Variants in OXR1 observed in about 807,000 individuals in gnomAD.
OXR1 encodes the protein oxidation resistance protein 1.
In OXR1, 41 loss-of-function variants were observed where a neutral mutation model predicts 104.6. The observed-to-expected ratio is 0.39, with a 90% confidence interval of 0.31 to 0.51. The LOEUF is 0.51. Ranked by LOEUF, OXR1 falls within the 20% of genes least tolerant of loss-of-function variation. OXR1 has a pLI of 0.77. For missense variants in OXR1, 955 were observed against 1,031.9 expected (o/e 0.93, Z 1.02); for synonymous variants, 348 against 348.4 (o/e 1.00, Z 0.01).
At chr8:106,530,793 A>T (rs1007893682) in intron 3 of OXR1, among the ~76,000 whole-genome samples, 1 of 152,180 alleles carries the variant, frequency 6.6e-6, no homozygotes, top group Non-Finnish European at 1.5e-5. Flanking sequence ...TGATCATCTG[A>T]ACAAACTGAG....
At chr8:106,290,637 A>T (rs1390320893) in intron 1 of OXR1, among the ~76,000 whole-genome samples, 1 of 152,192 alleles carries the variant, frequency 6.6e-6, no homozygotes, top group Non-Finnish European at 1.5e-5. Flanking sequence ...GGCAAGGGAC[A>T]TTCACAGACA....
chr8:106,405,049 A>C (rs1023737893), intron 2 of OXR1, among the ~76,000 whole-genome samples: 5 of 151,712 alleles, frequency 3.3e-5, no homozygotes, highest in African/African-American at 1.2e-4. Context: ...TTGCCAGATC[A>C]AACATGTAGT....
At chr8:106,552,044 G>C (rs1815879541) in intron 3 of OXR1, among the ~76,000 whole-genome samples, 1 of 151,790 alleles carries the variant, frequency 6.6e-6, no homozygotes, top group South Asian at 2.1e-4. Flanking sequence ...CTGGGTGACA[G>C]AGCGAGACCT....
intron 7 of OXR1, among the ~76,000 whole-genome samples, chr8:106,694,726 A>T (rs1190759880): frequency 9.1e-6 from 1 of 109,534 alleles, no homozygotes; most frequent in Non-Finnish European, 1.7e-5. Context: ...ATATATTTTT[A>T]TATATTTATA....
intron 1 of OXR1, among the ~76,000 whole-genome samples, chr8:106,344,618 T>C (rs1436454141): frequency 6.6e-6 from 1 of 152,208 alleles, no homozygotes; most frequent in Non-Finnish European, 1.5e-5. Flanking sequence ...ATTACAGGCA[T>C]GAGCCACTGC....
At chr8:106,285,920 G>C (rs1175850441) in intron 1 of OXR1, among the ~76,000 whole-genome samples, 1 of 152,068 alleles carries the variant, frequency 6.6e-6, no homozygotes, top group Non-Finnish European at 1.5e-5. Flanking sequence ...CTGGGAATGT[G>C]TGTCTTTAAT....
chr8:106,663,779 G>A (rs1210035411), intron 3 of OXR1, among the ~76,000 whole-genome samples: 1 of 152,126 alleles, frequency 6.6e-6, no homozygotes, highest in African/African-American at 2.4e-5. Flanking sequence ...ATCTGAGGTG[G>A]AACAGTTTCA....
At chr8:106,658,865 T>C (rs1312613753) in intron 3 of OXR1, among the ~76,000 whole-genome samples, 2 of 152,214 alleles carry the variant, frequency 1.3e-5, no homozygotes, top group Admixed American at 6.5e-5. Flanking sequence ...CGACATGATA[T>C]TGATAACTTA....
intron 1 of OXR1, among the ~76,000 whole-genome samples, chr8:106,277,223 A>C (rs909067385): frequency 1.3e-5 from 2 of 152,222 alleles, no homozygotes; most frequent in Admixed American, 6.5e-5. Context: ...TTGAAAGAAC[A>C]TTCTCTTTAG....
chr8:106,476,457 C>T (rs1821815121), intron 2 of OXR1, among the ~76,000 whole-genome samples: 1 of 151,894 alleles, frequency 6.6e-6, no homozygotes, highest in Non-Finnish European at 1.5e-5. Context: ...AGGTTAGCAG[C>T]TTTATAGATA....
At chr8:106,394,328 A>G (rs1035967831) in intron 2 of OXR1, among the ~76,000 whole-genome samples, 7 of 151,750 alleles carry the variant, frequency 4.6e-5, no homozygotes, top group African/African-American at 1.5e-4. Flanking sequence ...AGATAAAACA[A>G]TTTCTTACAA....
intron 12 of OXR1, among the ~76,000 whole-genome samples, chr8:106,739,255 G>A (rs1834699499): frequency 1.3e-5 from 2 of 152,072 alleles, no homozygotes; most frequent in African/African-American, 4.8e-5. Flanking sequence ...GAAAACGTCT[G>A]CTTATATTGT....
chr8:106,318,681 T>A (rs1409890550), intron 1 of OXR1, among the ~76,000 whole-genome samples: 1 of 152,216 alleles, frequency 6.6e-6, no homozygotes, highest in Non-Finnish European at 1.5e-5. Flanking sequence ...CTGGCCAAAT[T>A]ACTTTCTTCC....
At chr8:106,403,744 G>A (rs1460606423) in intron 2 of OXR1, among the ~76,000 whole-genome samples, 1 of 152,206 alleles carries the variant, frequency 6.6e-6, no homozygotes, top group Non-Finnish European at 1.5e-5. Flanking sequence ...AGATCAATAA[G>A]TTTGGCCTTT....
chr8:106,517,108 T>C (rs1812909509), intron 2 of OXR1, among the ~76,000 whole-genome samples: 1 of 152,118 alleles, frequency 6.6e-6, no homozygotes, highest in Non-Finnish European at 1.5e-5. Flanking sequence ...GGTTAAATGT[T>C]CACAAAGTAA....
At chr8:106,487,573 C>T (rs1249950203) in intron 2 of OXR1, among the ~76,000 whole-genome samples, 2 of 150,486 alleles carry the variant, frequency 1.3e-5, no homozygotes, top group South Asian at 4.2e-4. Context: ...TCCCTCCCCA[C>T]CCCCCAACCC....
At chr8:106,710,876 C>A in intron 10 of OXR1, 86 bp downstream of exon 10, 1 of 836,902 alleles carries the variant, frequency 1.2e-6, no homozygotes, top group Non-Finnish European at 1.7e-6. Flanking sequence ...CAATGATAAA[C>A]TATTGAAACA....
At chr8:106,447,961 C>T in intron 2 of OXR1, 2 of 1,535,328 alleles carry the variant, frequency 1.3e-6, no homozygotes, top group Admixed American at 2.0e-5. Flanking sequence ...GGTAACAGAA[C>T]TCTGATCAGA....
At chr8:106,447,835 ATTTGGGTCTC>A in intron 2 of OXR1, 1 of 1,372,256 alleles carries the variant, frequency 7.3e-7, no homozygotes, top group Non-Finnish European at 9.5e-7. Flanking sequence ...GCTGTGTGGG[ATTTGGGTCTC>A]TTTTTGCCTT....
Sources: allele counts gnomAD v4.1 joint callset (sites outside exome capture counted in the v4.1 genomes callset), GRCh38; gene constraint gnomAD v4.1.1; transcripts MANE v1.5; gene names NCBI Gene and HGNC (gene_info 2026-07-23, HGNC 2026-07-21).